BNIP3L: variants seen among roughly 807,000 people sequenced by gnomAD.
BNIP3L encodes BCL2/adenovirus E1B 19 kDa protein-interacting protein 3-like.
A neutral mutation model predicts 25.5 loss-of-function variants in BNIP3L; 10 were observed. That is an observed-to-expected ratio of 0.39 (90% CI 0.24 to 0.67). The LOEUF (loss-of-function observed/expected upper bound fraction) is 0.67. Among genes scored for constraint, BNIP3L ranks in the 30% least tolerant of loss-of-function variants. The pLI is 0.45. For synonymous variants in BNIP3L, 113 were observed against 101.2 expected (o/e 1.12, Z -0.70); for missense variants, 215 against 270.9 (o/e 0.79, Z 1.45).
In BNIP3L at chr8:26,412,685, A is replaced by G. The variant is rs1353314343; in HGVS notation, c.*2273A>G. ...TACACCCAGATTTGTGTTGAACGAA[A>G]ACATTGTGGTTTGGAAAGGAGAATT... On this transcript the variant is annotated 3_prime_UTR_variant, in exon 6 of 6. Coordinates refer to ENST00000380629, the MANE Select transcript of BNIP3L (RefSeq NM_004331.3). 1.3e-5 allele frequency: 2 copies of G among 152,666 alleles called. No homozygotes were observed. Among genetic ancestry groups the G allele is most frequent in the African/African-American group, 4.8e-5 (2 of 41,452 alleles). 9.5% of individuals were successfully genotyped at this position (152,666 alleles called of 1,614,324 possible).
chr8:26,386,751 T>A (rs1355630204), intron 1 of BNIP3L, among the ~76,000 whole-genome samples: 1 of 152,220 alleles, frequency 6.6e-6, no homozygotes, highest in Non-Finnish European at 1.5e-5. Flanking sequence ...AAGCACAATG[T>A]CCTTGCTTTC....
chr8:26,385,490 C>T (rs1805973009), intron 1 of BNIP3L, among the ~76,000 whole-genome samples: 1 of 151,868 alleles, frequency 6.6e-6, no homozygotes, highest in Non-Finnish European at 1.5e-5. Context: ...GTAATCCCAG[C>T]TATTCAGGCG....
intron 1 of BNIP3L, 77 bp from the exon 2 acceptor site, chr8:26,391,166 A>G: frequency 7.9e-7 from 1 of 1,271,254 alleles, no homozygotes; most frequent in Non-Finnish European, 1.1e-6. Context: ...TCTTATCTGG[A>G]TTCACCATGT....
At chr8:26,390,212 C>T in intron 1 of BNIP3L, 8 of 425,120 alleles carry the variant, frequency 1.9e-5, no homozygotes, top group Non-Finnish European at 2.2e-5. Flanking sequence ...CCTCAGCCTC[C>T]CAAAGTGCTG....
chr8:26,390,972 A>G (rs1806094048), intron 1 of BNIP3L, among the ~76,000 whole-genome samples: 1 of 152,196 alleles, frequency 6.6e-6, no homozygotes, highest in African/African-American at 2.4e-5. Flanking sequence ...TTATAAACCA[A>G]GCTTTACCCA....
intron 3 of BNIP3L, among the ~76,000 whole-genome samples, chr8:26,402,041 T>C (rs1482740363): frequency 1.3e-5 from 2 of 152,180 alleles, no homozygotes; most frequent in African/African-American, 4.8e-5. Flanking sequence ...ACAAAAACCT[T>C]GTTTTGTCGG....
chr8:26,397,845 T>G (rs1242745165), intron 3 of BNIP3L, among the ~76,000 whole-genome samples: 2 of 25,958 alleles, frequency 7.7e-5, no homozygotes, highest in Non-Finnish European at 1.5e-4. Context: ...AAAACAGACT[T>G]TAAACCAACA....
chr8:26,395,292 A>G lies in BNIP3L; in HGVS notation c.347A>G (p.His116Arg). Residue 116 changes from histidine to arginine, a missense_variant, in exon 3 of 6, where the codon CAT becomes CGT. His to Arg is a conservative substitution (Grantham distance 29). Transcript: ENST00000380629. ...GTGGAAATGCACACCAGCAGGGACCATAGCTCTCAGGTGTGTCGGGGGGAT... is the reference window on the plus strand; with the variant it reads ...GTGGAAATGCACACCAGCAGGGACCGTAGCTCTCAGGTGTGTCGGGGGGAT... ...FDVEMHTSRD[H>R]SSQSEEEVVE... is the part of the protein sequence containing the mutation. 6.2e-7 allele frequency: 1 copy of G among 1,614,072 alleles called. No individual in the cohort carries two copies. Among genetic ancestry groups the G allele is most frequent in the South Asian group, 1.1e-5 (1 of 91,064 alleles).
In BNIP3L at chr8:26,383,103, C is replaced by T. The variant is rs779352907; in HGVS notation, c.-28C>T. 160 of 1,572,490 alleles carry T rather than the reference C, an allele frequency of 1.0e-4. No individual in the cohort carries two copies. Among genetic ancestry groups the T allele is most frequent in the Non-Finnish European group, 1.3e-4 (149 of 1,155,798 alleles). On this transcript the variant is annotated 5_prime_UTR_variant, in exon 1 of 6. Transcript: ENST00000380629. The stretch of plus-strand genomic sequence containing the variant: ...CTGAGTGCCGGAGACGGTCCTGCTG[C>T]TGCCGCAGTCCTGCCAGCTGTCCGA...
chr8:26,410,298 A>G (rs1806593081), intron 5 of BNIP3L, 66 bp from the exon 6 acceptor site: 1 of 1,585,578 alleles, frequency 6.3e-7, no homozygotes, highest in Middle Eastern at 1.7e-4. Flanking sequence ...GTAGAGTTCA[A>G]CCTGTGGACA....
Position 26,395,278 on chromosome 8 carries a change from C to T in BNIP3L, c.333C>T (p.His111=), listed in dbSNP as rs1256138629. 6.2e-7 allele frequency: 1 copy of T among 1,614,080 alleles called. No individual in the cohort carries two copies. Among genetic ancestry groups the T allele is most frequent in the Non-Finnish European group, 8.5e-7 (1 of 1,179,992 alleles). ...DGQIMFDVEM[H]TSRDHSSQSE... ...AGATCATGTTTGATGTGGAAATGCA[C>T]ACCAGCAGGGACCATAGCTCTCAGG... Residue 111 remains histidine (H), a synonymous_variant, in exon 3 of 6, where the codon CAC becomes CAT. Transcript: ENST00000380629.
Position 26,383,198 on chromosome 8 carries a change from A to G in BNIP3L, c.68A>G (p.Glu23Gly). 3 of 1,612,278 alleles carry G rather than the reference A, an allele frequency of 1.9e-6. No homozygotes were observed. Among genetic ancestry groups the G allele is most frequent in the Non-Finnish European group, 1.7e-6 (2 of 1,179,666 alleles). The change falls in exon 1 of 6, where the codon GAG becomes GGG. Residue 23 changes from glutamate to glycine, a missense_variant. Glu to Gly is a moderately conservative substitution (Grantham distance 98). Around this residue, in one of 4 missense-constraint regions of BNIP3L, gnomAD observed 69 missense variants for 53.6 expected, o/e 1.29. Coordinates refer to ENST00000380629, the MANE Select transcript of BNIP3L (RefSeq NM_004331.3). ...HNNNNNCEEN[E>G]QSLPPPAGLN... is the part of the protein sequence containing the mutation. ...AACAACAACAACTGCGAGGAAAATG[A>G]GCAGTCTCTGCCCCCGCCGGCCGGC...
intron 5 of BNIP3L, 98 bp from the exon 6 acceptor site, chr8:26,410,266 T>C: frequency 7.1e-7 from 1 of 1,404,672 alleles, no homozygotes; most frequent in African/African-American, 1.4e-5. Context: ...TAGAGCCTTT[T>C]ACAAAGACTG....
chr8:26,390,275 G>A, intron 1 of BNIP3L: 8 of 886,570 alleles, frequency 9.0e-6, no homozygotes, highest in Non-Finnish European at 1.1e-5. Context: ...TAAAATTAAA[G>A]CACCTTAATA....
chr8:26,400,894 A>G (rs1230543601), intron 3 of BNIP3L, among the ~76,000 whole-genome samples: 14 of 141,606 alleles, frequency 9.9e-5, no homozygotes, highest in East Asian at 2.1e-4. Context: ...TAGAATGGCA[A>G]TCATTAAAAA....
At chr8:26,405,043 T>C (rs767983963) in intron 3 of BNIP3L, among the ~76,000 whole-genome samples, 15 of 152,230 alleles carry the variant, frequency 9.9e-5, no homozygotes, top group Non-Finnish European at 1.8e-4. Flanking sequence ...GGGAAACTTA[T>C]GGAGTTCTTT....
chr8:26,390,706 T>C (rs535733863), intron 1 of BNIP3L, among the ~76,000 whole-genome samples: 2 of 152,228 alleles, frequency 1.3e-5, no homozygotes, highest in South Asian at 4.1e-4. Context: ...TGCTATTGGA[T>C]TTAGGTTCCC....
At chr8:26,407,832 C>G (rs931239225) in intron 3 of BNIP3L, among the ~76,000 whole-genome samples, 168 bp from the exon 4 acceptor site, 2 of 152,190 alleles carry the variant, frequency 1.3e-5, no homozygotes, top group Non-Finnish European at 2.9e-5. Flanking sequence ...ATTACATACT[C>G]TGATCTTACA....
At position 26,407,113 on chromosome 8, in the gene BNIP3L, C is replaced by G. The variant is rs554392761; in HGVS notation, c.358-887C>G. ...CTCCACCTCCCAGGCTCAAGCGATT[C>G]TTCTGCCTCAGCCTCTCAAGTAGCT... On this transcript the variant is annotated intron_variant, in intron 3 of 5. Transcript: ENST00000380629. Among the ~76,000 whole-genome samples, 8 of 152,032 alleles carry G rather than the reference C, an allele frequency of 5.3e-5. No homozygotes were observed. In the South Asian group the frequency reaches 8.3e-4, roughly 16 times the overall value.
Sources: gnomAD v4.1 joint callset for allele counts (sites outside exome capture counted in the v4.1 genomes callset) on GRCh38, gnomAD v4.1.1 for gene constraint, gnomAD v4.1.1 regional missense constraint, MANE v1.5 for transcripts, NCBI Gene and HGNC (gene_info 2026-07-23, HGNC 2026-07-21) for gene names.